Variants in VWC2 observed in about 807,000 individuals in gnomAD.
VWC2 encodes von Willebrand factor C domain containing 2.
VWC2 carries 14 observed loss-of-function variants against 29.8 expected under a neutral mutation model. The observed-to-expected ratio is 0.47, with a 90% confidence interval of 0.31 to 0.74. The LOEUF (loss-of-function observed/expected upper bound fraction) is 0.74. Ranked by LOEUF, VWC2 falls within the 30% of genes least tolerant of loss-of-function variation. VWC2 has a pLI of 0.05. For synonymous variants in VWC2, 213 were observed against 199.0 expected, an observed-to-expected ratio of 1.07 and a Z score of -0.59; for missense variants, 457 against 459.8, an observed-to-expected ratio of 0.99 and a Z score of 0.05.
intron 3 of VWC2, among the ~76,000 whole-genome samples, chr7:49,867,480 G>A (rs1790948440): frequency 6.6e-6 from 1 of 152,194 alleles, no homozygotes; most frequent in Non-Finnish European, 1.5e-5. Flanking sequence ...TGTTAAGAAA[G>A]GGTGCACCAT....
chr7:49,848,087 T>C (rs1388118355), intron 3 of VWC2, among the ~76,000 whole-genome samples: 1 of 152,296 alleles, frequency 6.6e-6, no homozygotes, highest in East Asian at 1.9e-4. Flanking sequence ...GCTAATTAGA[T>C]CTGTCTCTGG....
chr7:49,870,582 T>A (rs1791107369), intron 3 of VWC2, among the ~76,000 whole-genome samples: 1 of 152,214 alleles, frequency 6.6e-6, no homozygotes, highest in South Asian at 2.1e-4. Flanking sequence ...ATACAGGGCA[T>A]GTCTTACGAG....
chr7:49,829,621 A>G (rs770468772), intron 3 of VWC2, among the ~76,000 whole-genome samples: 1 of 152,190 alleles, frequency 6.6e-6, no homozygotes, highest in Non-Finnish European at 1.5e-5. Flanking sequence ...GCCAGCCTAC[A>G]CACACCCTTT....
chr7:49,838,280 C>T (rs1297189381), intron 3 of VWC2, among the ~76,000 whole-genome samples: 1 of 152,260 alleles, frequency 6.6e-6, no homozygotes, highest in Admixed American at 6.5e-5. Flanking sequence ...ACATTTCTCA[C>T]TTGAGATTCT....
chr7:49,849,471 G>A (rs1315432245), intron 3 of VWC2, among the ~76,000 whole-genome samples: 1 of 152,122 alleles, frequency 6.6e-6, no homozygotes, highest in Non-Finnish European at 1.5e-5. Flanking sequence ...CGGGTCTCTG[G>A]ATGGGGTTTG....
intron 1 of VWC2, 121 bp from the exon 2 acceptor site, chr7:49,775,212 G>GC: frequency 3.7e-6 from 1 of 266,692 alleles, no homozygotes; most frequent in South Asian, 1.7e-4. Flanking sequence ...TGGGCATGCT[G>GC]CCCCCGCCCC....
At chr7:49,788,692 GGTGT>G (rs34971813) in intron 2 of VWC2, among the ~76,000 whole-genome samples, 13 of 143,542 alleles carry the variant, frequency 9.1e-5, no homozygotes, top group South Asian at 8.9e-4. Flanking sequence ...GGTGTGTGAG[GGTGT>G]GTGTGTGTGA....
intron 3 of VWC2, among the ~76,000 whole-genome samples, chr7:49,866,490 C>A (rs893981765): frequency 6.6e-6 from 1 of 152,176 alleles, no homozygotes; most frequent in Non-Finnish European, 1.5e-5. Flanking sequence ...CCTCTGCTTG[C>A]ATTACATTTG....
intron 3 of VWC2, among the ~76,000 whole-genome samples, chr7:49,873,676 G>T (rs928192028): frequency 1.3e-5 from 2 of 152,156 alleles, no homozygotes; most frequent in African/African-American, 4.8e-5. Flanking sequence ...ATGAATTTTT[G>T]CTTGTGGGTT....
rs1335049518 is a variant in VWC2, at chr7:49,920,589, TGCTTGG to T, written c.*8405_*8410del. 1.1e-4 allele frequency: 17 copies of T among 152,346 alleles called. No individual in the cohort carries two copies. Among genetic ancestry groups the T allele is most frequent in the African/African-American group, 4.1e-4 (17 of 41,586 alleles). The allele number at this position is 152,346 out of a possible 1,614,324, so 9.4% of individuals were successfully genotyped here. ...GATGTAAGGGAACAGAGAGAGACTC[TGCTTGG>T]CCGAGTTTGCTATTCTCATTTGTCT... On this transcript the variant is annotated 3_prime_UTR_variant, in exon 4 of 4. Coordinates refer to ENST00000340652, the MANE Select transcript of VWC2 (RefSeq NM_198570.5).
chr7:49,865,419 A>G (rs765437137), intron 3 of VWC2, among the ~76,000 whole-genome samples: 2 of 152,260 alleles, frequency 1.3e-5, no homozygotes, highest in Non-Finnish European at 2.9e-5. Flanking sequence ...TTGGCTGTAT[A>G]ACCAACCGCA....
chr7:49,876,864 C>T (rs79577522), intron 3 of VWC2, among the ~76,000 whole-genome samples: 4,077 of 151,968 alleles, frequency 0.027, 172 homozygotes, highest in African/African-American at 0.093. Context: ...TATGACACAA[C>T]GCACCGAGAT....
rs189006848 is a variant in VWC2, at chr7:49,851,136, G to A, written c.826+48296G>A. On this transcript the variant is annotated intron_variant, in intron 3 of 3. Coordinates refer to ENST00000340652, the MANE Select transcript of VWC2 (RefSeq NM_198570.5). ...TCCTAGTGGCTGCCCGCCACCCTGG[G>A]CTTCCTGGGTTTTAGAGGCTTCACT... 4.9e-4 allele frequency among the ~76,000 whole-genome samples: 75 copies of A among 152,240 alleles called. 1 individual carries two copies. The highest frequency in any genetic ancestry group is 1.6e-3 in the African/African-American group (67 of 41,538).
intron 3 of VWC2, among the ~76,000 whole-genome samples, chr7:49,825,386 A>G (rs1428419353): frequency 3.9e-5 from 6 of 152,122 alleles, no homozygotes; most frequent in Non-Finnish European, 7.3e-5. Context: ...AGTATGGGGC[A>G]TACATTTGGT....
chr7:49,825,667 C>CTTGTACAACT (rs1789375028), intron 3 of VWC2, among the ~76,000 whole-genome samples: 1 of 152,222 alleles, frequency 6.6e-6, no homozygotes, highest in South Asian at 2.1e-4. Flanking sequence ...CTCCTCCTCA[C>CTTGTACAACT]TTCCCAGCTG....
At chr7:49,851,814 C>G (rs1019717699) in intron 3 of VWC2, among the ~76,000 whole-genome samples, 1 of 151,972 alleles carries the variant, frequency 6.6e-6, no homozygotes, top group Non-Finnish European at 1.5e-5. Flanking sequence ...CGAGCTTGCG[C>G]CATTGCACTC....
intron 3 of VWC2, among the ~76,000 whole-genome samples, chr7:49,887,015 A>T (rs1016571991): frequency 1.3e-5 from 2 of 151,840 alleles, no homozygotes; most frequent in South Asian, 4.1e-4. Flanking sequence ...GGCAAATTTT[A>T]AGTACTTTTT....
Position 49,813,700 on chromosome 7 carries a change from A to C in VWC2, c.826+10860A>C, listed in dbSNP as rs1010675968. On this transcript the variant is annotated intron_variant, in intron 3 of 3. Coordinates refer to ENST00000340652, the MANE Select transcript of VWC2 (RefSeq NM_198570.5). ...TATGGAAATATATTAACGTGCAATA[A>C]TACTTTAAAATTGGAAAATATCAGG... 1.9e-4 allele frequency among the ~76,000 whole-genome samples: 29 copies of C among 152,210 alleles called. 1 individual carries two copies. Among genetic ancestry groups the C allele is most frequent in the African/African-American group, 7.0e-4 (29 of 41,462 alleles).
intron 3 of VWC2, among the ~76,000 whole-genome samples, chr7:49,859,711 C>T (rs1790569350): frequency 1.3e-5 from 2 of 152,090 alleles, no homozygotes; most frequent in South Asian, 4.1e-4. Flanking sequence ...AGTCAGTTTT[C>T]CTCAGAATGA....
Sources: allele counts gnomAD v4.1 joint callset (sites outside exome capture counted in the v4.1 genomes callset), GRCh38; gene constraint gnomAD v4.1.1; transcripts MANE v1.5; gene names NCBI Gene and HGNC (gene_info 2026-07-23, HGNC 2026-07-21).